PCDH11X: variants seen among roughly 807,000 people sequenced by gnomAD.
The protein encoded by PCDH11X is protocadherin 11 X-linked.
In PCDH11X, 18 loss-of-function variants were observed where a neutral mutation model predicts 53.3. The observed-to-expected ratio is 0.34, with a 90% CI of 0.23 to 0.50. The LOEUF (loss-of-function observed/expected upper bound fraction) is 0.50, where lower values mean the gene tolerates loss of function less well. Ranked by LOEUF, PCDH11X falls within the 20% of genes least tolerant of loss-of-function variation. The pLI, the probability that PCDH11X is intolerant of heterozygous loss-of-function variation, is 0.98. For synonymous variants in PCDH11X, 279 were observed against 393.3 expected (o/e 0.71, Z 3.44); for missense variants, 570 against 1,032.4 (o/e 0.55, Z 6.14).
chrX:92,467,474 A>T (rs1326138801), intron 9 of PCDH11X, among the ~76,000 whole-genome samples: 3 of 111,366 alleles, frequency 2.7e-5, no homozygotes, highest in African/African-American at 9.7e-5. Context: ...TCAGGAAATT[A>T]TTTATTAATA....
intron 6 of PCDH11X, among the ~76,000 whole-genome samples, chrX:92,096,731 C>T (rs758010504): frequency 2.1e-4 from 23 of 110,235 alleles, no homozygotes; most frequent in Admixed American, 7.8e-4. Context: ...TCTCATGAGA[C>T]TTATTAAGTA....
At chrX:92,036,342 T>G (rs76695188) in intron 6 of PCDH11X, among the ~76,000 whole-genome samples, 24,173 of 108,203 alleles carry the variant, frequency 0.22, 2,716 homozygotes, top group African/African-American at 0.4. Context: ...AACCTCATCT[T>G]GAATTGTAAC....
intron 8 of PCDH11X, among the ~76,000 whole-genome samples, chrX:92,276,230 A>T (rs1056738306): frequency 8.0e-4 from 86 of 107,400 alleles, no homozygotes; most frequent in Non-Finnish European, 1.2e-3. Context: ...CTCCGTATTG[A>T]TTAAGAAGGG....
intron 5 of PCDH11X, among the ~76,000 whole-genome samples, chrX:91,863,480 A>G (rs1366034697): frequency 1.8e-4 from 20 of 111,657 alleles, no homozygotes; most frequent in South Asian, 1.5e-3. Flanking sequence ...TTTTCAGTCT[A>G]TGTGTGTCTT....
chrX:92,237,162 TA>T (rs890941344), intron 7 of PCDH11X, among the ~76,000 whole-genome samples: 1 of 111,393 alleles, frequency 9.0e-6, no homozygotes, highest in Non-Finnish European at 1.9e-5. Context: ...GTGGTTTTTT[TA>T]AAGTATATTT....
intron 10 of PCDH11X, among the ~76,000 whole-genome samples, chrX:92,572,932 G>T (rs1265008271): frequency 1.8e-5 from 2 of 109,711 alleles, no homozygotes; most frequent in Non-Finnish European, 3.8e-5. Context: ...CAGGAATTTA[G>T]AGAATTAATT....
At chrX:92,393,642 CA>C (rs2071181035) in intron 9 of PCDH11X, among the ~76,000 whole-genome samples, 1 of 110,617 alleles carries the variant, frequency 9.0e-6, no homozygotes, top group Non-Finnish European at 1.9e-5. Context: ...TATTCTTTTT[CA>C]AATGAAATAT....
At chrX:92,124,218 C>T (rs926528157) in intron 6 of PCDH11X, among the ~76,000 whole-genome samples, 4 of 110,643 alleles carry the variant, frequency 3.6e-5, no homozygotes, top group East Asian at 2.8e-4. Context: ...TCAGGTGCCA[C>T]GGGAGCCAAG....
At chrX:92,081,267 A>G (rs1008360105) in intron 6 of PCDH11X, among the ~76,000 whole-genome samples, 9 of 110,392 alleles carry the variant, frequency 8.2e-5, no homozygotes, top group Non-Finnish European at 7.6e-5. Context: ...CCCTCATATT[A>G]AATAATTTTC....
At chrX:92,576,985 C>G (rs1923062991) in intron 10 of PCDH11X, among the ~76,000 whole-genome samples, 1 of 109,987 alleles carries the variant, frequency 9.1e-6, no homozygotes, top group Non-Finnish European at 1.9e-5. Context: ...TGTAGCATTT[C>G]TTGCAGGGCA....
intron 8 of PCDH11X, among the ~76,000 whole-genome samples, chrX:92,387,456 G>T (rs1340318607): frequency 8.9e-6 from 1 of 111,917 alleles, no homozygotes; most frequent in East Asian, 2.8e-4. Flanking sequence ...GCTCAAATAT[G>T]CTATAAAGCT....
chrX:91,990,376 G>A (rs2147942113), intron 6 of PCDH11X, among the ~76,000 whole-genome samples: 1 of 99,280 alleles, frequency 1.0e-5, no homozygotes, highest in East Asian at 3.2e-4. Context: ...CAATGTGTTT[G>A]TGGTTGCTTG....
chrX:92,125,460 ATC>A (rs1444958229), intron 6 of PCDH11X, among the ~76,000 whole-genome samples: 1 of 111,022 alleles, frequency 9.0e-6, no homozygotes, highest in Non-Finnish European at 1.9e-5. Flanking sequence ...CTTAGTTATT[ATC>A]TGTCTCATTG....
chrX:91,865,476 G>A (rs1209482369), intron 5 of PCDH11X, among the ~76,000 whole-genome samples: 23 of 108,513 alleles, frequency 2.1e-4, no homozygotes, highest in Non-Finnish European at 4.2e-4. Flanking sequence ...TCAGCACTGG[G>A]TCTCACCCAA....
intron 10 of PCDH11X, among the ~76,000 whole-genome samples, chrX:92,549,233 C>T (rs5984992): frequency 0.024 from 2,526 of 107,318 alleles, 34 homozygotes; most frequent in Middle Eastern, 0.039. Flanking sequence ...TTTGACTTTG[C>T]TTTTCTAACT....
chrX:92,061,860 C>A (rs2063528469), intron 6 of PCDH11X, among the ~76,000 whole-genome samples: 1 of 111,434 alleles, frequency 9.0e-6, no homozygotes, highest in African/African-American at 3.3e-5. Flanking sequence ...TGAAGAATGT[C>A]ATTGGTAGTT....
chrX:92,383,916 G>A (rs1265396435), intron 8 of PCDH11X, among the ~76,000 whole-genome samples: 1 of 111,698 alleles, frequency 9.0e-6, no homozygotes, highest in Non-Finnish European at 1.9e-5. Flanking sequence ...CTTCCACAAT[G>A]GTTGAACTAA....
At chrX:91,784,810 C>G (rs1935275465) in intron 1 of PCDH11X, among the ~76,000 whole-genome samples, 2 of 111,151 alleles carry the variant, frequency 1.8e-5, no homozygotes, top group Non-Finnish European at 3.8e-5. Flanking sequence ...CATCCTCCTC[C>G]CCATTAGCCA....
At chrX:92,441,463 G>A (rs2072513614) in intron 9 of PCDH11X, among the ~76,000 whole-genome samples, 1 of 111,951 alleles carries the variant, frequency 8.9e-6, no homozygotes, top group Admixed American at 9.4e-5. Flanking sequence ...TGCTGCCTAG[G>A]GACTTGGTGC....
Sources: gnomAD v4.1 joint callset for allele counts (sites outside exome capture counted in the v4.1 genomes callset) on GRCh38, gnomAD v4.1.1 for gene constraint, MANE v1.5 for transcripts, NCBI Gene and HGNC (gene_info 2026-07-23, HGNC 2026-07-21) for gene names.